LINGO2: variants seen among roughly 807,000 people sequenced by gnomAD.
LINGO2 encodes the protein leucine-rich repeat and immunoglobulin-like domain-containing nogo receptor-interacting protein 2.
In LINGO2, 14 loss-of-function variants were observed where a neutral mutation model predicts 30.6. The observed-to-expected ratio is 0.46, with a 90% CI of 0.30 to 0.72. The LOEUF is 0.72. LINGO2 is among the 30% of genes least tolerant of loss of function. LINGO2 has a pLI of 0.07. For synonymous variants in LINGO2, 317 were observed against 288.5 expected (o/e 1.10, Z -1.00); for missense variants, 729 against 751.7 (o/e 0.97, Z 0.35).
At chr9:28,673,313 A>G (rs1829092168), upstream of LINGO2, among the ~76,000 whole-genome samples, 1 of 152,150 alleles carries the variant, frequency 6.6e-6, no homozygotes, top group African/African-American at 2.4e-5. Context: ...CATGTGATTT[A>G]TTAGATTCTT....
At chr9:29,025,346 T>G in the LINGO2 span, among the ~76,000 whole-genome samples, 1 of 152,152 alleles carries the variant, frequency 6.6e-6, no homozygotes, top group Non-Finnish European at 1.5e-5. Context: ...TTTGGCCTTT[T>G]TTTTAAGTAT....
At chr9:28,992,337 C>A in the LINGO2 span, among the ~76,000 whole-genome samples, 1 of 152,104 alleles carries the variant, frequency 6.6e-6, no homozygotes, top group South Asian at 2.1e-4. Flanking sequence ...ATATATGCAC[C>A]CAATACGGGA....
chr9:28,908,053 C>A, the LINGO2 span, among the ~76,000 whole-genome samples: 1 of 151,652 alleles, frequency 6.6e-6, no homozygotes, highest in African/African-American at 2.4e-5. Flanking sequence ...AGGTATAATT[C>A]TGGCTTAAAT....
intron 4 of LINGO2, among the ~76,000 whole-genome samples, chr9:28,058,894 G>T (rs1454742796): frequency 1.3e-5 from 2 of 152,076 alleles, no homozygotes; most frequent in Non-Finnish European, 2.9e-5. Context: ...TCTTAGGTAT[G>T]AACACTTGTA....
intron 4 of LINGO2, among the ~76,000 whole-genome samples, chr9:28,195,521 A>G (rs1260864481): frequency 6.9e-6 from 1 of 144,720 alleles, no homozygotes; most frequent in Non-Finnish European, 1.5e-5. Flanking sequence ...TGGTAAAAAT[A>G]AATATCATAA....
chr9:27,991,335 A>AT (rs1300696832), intron 5 of LINGO2, among the ~76,000 whole-genome samples: 3 of 152,010 alleles, frequency 2.0e-5, no homozygotes, highest in Non-Finnish European at 4.4e-5. Context: ...CTCCCGGATG[A>AT]TTTGCTTGTG....
the LINGO2 span, among the ~76,000 whole-genome samples, chr9:29,023,073 G>A: frequency 6.6e-6 from 1 of 151,476 alleles, no homozygotes; most frequent in Non-Finnish European, 1.5e-5. Flanking sequence ...ACATATACTT[G>A]TTGGCTCACT....
At chr9:28,167,194 A>G (rs1828454971) in intron 4 of LINGO2, among the ~76,000 whole-genome samples, 1 of 137,180 alleles carries the variant, frequency 7.3e-6, no homozygotes, top group Admixed American at 7.9e-5. Context: ...AATTCCAGCA[A>G]CTTTAGAAAG....
chr9:28,094,765 AG>A (rs1241600662), intron 4 of LINGO2, among the ~76,000 whole-genome samples: 3 of 151,994 alleles, frequency 2.0e-5, no homozygotes, highest in Non-Finnish European at 4.4e-5. Context: ...CATACTGAAA[AG>A]TAGGACTCCT....
intron 5 of LINGO2, among the ~76,000 whole-genome samples, chr9:27,975,990 GCA>G (rs1447746145): frequency 2.0e-5 from 3 of 152,094 alleles, no homozygotes. Context: ...CAGGAAGGTG[GCA>G]CAGACTAATG....
At chr9:29,131,098 T>C in the LINGO2 span, among the ~76,000 whole-genome samples, 3 of 152,222 alleles carry the variant, frequency 2.0e-5, no homozygotes, top group Admixed American at 2.0e-4. Flanking sequence ...TACAACTTAA[T>C]TGCTTTATTC....
At chr9:28,079,743 T>C (rs1295197307) in intron 4 of LINGO2, among the ~76,000 whole-genome samples, 3 of 152,196 alleles carry the variant, frequency 2.0e-5, no homozygotes, top group Admixed American at 2.0e-4. Flanking sequence ...TTAAATGCCA[T>C]CTGCATGGTG....
Position 28,048,761 on chromosome 9 carries a change from A to C in LINGO2, c.-86-36356T>G, listed in dbSNP as rs565261514. Reference sequence around the variant, plus strand: ...ATAAATTCAACCTAGAAAAATATGTAATCATTAAAATGATAATTATGAAGG... The same window carrying C: ...ATAAATTCAACCTAGAAAAATATGTCATCATTAAAATGATAATTATGAAGG... On this transcript the variant is annotated intron_variant, in intron 4 of 5. Transcript: ENST00000379992. Among the ~76,000 whole-genome samples the C allele has an allele frequency of 1.3e-5, 2 of 151,026 alleles. 1 individual carries two copies. The highest frequency in any genetic ancestry group is 4.2e-4 in the South Asian group (2 of 4,734).
At chr9:28,055,830 T>G (rs947387901) in intron 4 of LINGO2, among the ~76,000 whole-genome samples, 4 of 152,196 alleles carry the variant, frequency 2.6e-5, no homozygotes, top group African/African-American at 9.6e-5. Context: ...AAAAGTCTTC[T>G]TGCTTAGTCT....
intron 4 of LINGO2, among the ~76,000 whole-genome samples, chr9:28,190,261 T>C (rs76133203): frequency 0.018 from 2,805 of 152,278 alleles, 81 homozygotes; most frequent in African/African-American, 0.064. Context: ...AGTGTATCTG[T>C]TTTTATTTTT....
chr9:28,637,951 T>C (rs113318223), intron 1 of LINGO2, among the ~76,000 whole-genome samples: 13 of 152,312 alleles, frequency 8.5e-5, no homozygotes, highest in African/African-American at 3.1e-4. Flanking sequence ...TGATATTGGC[T>C]GTGGGTTTGT....
intron 1 of LINGO2, among the ~76,000 whole-genome samples, chr9:28,638,866 T>A (rs976054712): frequency 6.6e-6 from 1 of 152,180 alleles, no homozygotes; most frequent in African/African-American, 2.4e-5. Context: ...TGCTAGCTTT[T>A]GAATGTGTTT....
chr9:29,049,872 C>A, the LINGO2 span, among the ~76,000 whole-genome samples: 15 of 152,164 alleles, frequency 9.9e-5, no homozygotes, highest in East Asian at 3.9e-4. Context: ...TAAATAAGAT[C>A]TACTACTCAA....
At chr9:28,761,542 A>G in the LINGO2 span, among the ~76,000 whole-genome samples, 1 of 151,846 alleles carries the variant, frequency 6.6e-6, no homozygotes, top group South Asian at 2.1e-4. Context: ...TAAGAAAATT[A>G]CCATCTCTTT....
Sources: gnomAD v4.1 joint callset for allele counts (sites outside exome capture counted in the v4.1 genomes callset) on GRCh38, gnomAD v4.1.1 for gene constraint, MANE v1.5 for transcripts, NCBI Gene and HGNC (gene_info 2026-07-23, HGNC 2026-07-21) for gene names.